The following PARP1 variants were observed in gnomAD, a reference collection of about 807,000 sequenced individuals.
The protein encoded by PARP1 is poly(ADP-ribose) polymerase 1.
In PARP1, 44 loss-of-function variants were observed where a neutral mutation model predicts 118.7. That is an observed-to-expected ratio of 0.37 (90% CI 0.29 to 0.48). The LOEUF is 0.48. Among genes scored for constraint, PARP1 ranks in the 20% least tolerant of loss-of-function variants. PARP1 has a pLI of 0.99. For missense variants in PARP1, 1,100 were observed against 1,272.4 expected (o/e 0.86, Z 2.06); for synonymous variants, 492 against 483.2 (o/e 1.02, Z -0.24).
chr1:226,371,654 A>C (rs1576392813), intron 14 of PARP1, among the ~76,000 whole-genome samples: 1 of 152,356 alleles, frequency 6.6e-6, no homozygotes, highest in East Asian at 1.9e-4. Context: ...GTACAATAAA[A>C]GAACAGAGTG....
chr1:226,382,373 G>C (rs1046414097), intron 8 of PARP1, among the ~76,000 whole-genome samples: 1 of 152,168 alleles, frequency 6.6e-6, no homozygotes, highest in Admixed American at 6.5e-5. Context: ...ACTGGTGGGC[G>C]CAGGGCAGCC....
Position 226,383,029 on chromosome 1 carries a change from G to A in PARP1, c.1159+7C>T, listed in dbSNP as rs764201319. 3.7e-6 allele frequency: 6 copies of A among 1,612,692 alleles called. No homozygotes were observed. The South Asian group carries it at 6.6e-5, about 18-fold the overall frequency. On this transcript the variant is annotated splice_region_variant and intron_variant, in intron 8 of 22. Transcript: ENST00000366794. ...CAGCTCTAAGACCGGGGTCCCAAATGCTGTACCTGCTGAAGCAGAGGAGTT... is the reference window on the plus strand; with the variant it reads ...CAGCTCTAAGACCGGGGTCCCAAATACTGTACCTGCTGAAGCAGAGGAGTT...
Position 226,402,157 on chromosome 1 carries a change from C to T in PARP1, c.286+57G>A, listed in dbSNP as rs116492860. 640 of 1,614,138 alleles carry T rather than the reference C, an allele frequency of 4.0e-4. 4 individuals are homozygous for T. The African/African-American group carries it at 7.4e-3, about 19-fold the overall frequency. On this transcript the variant is annotated intron_variant, in intron 2 of 22. Coordinates refer to ENST00000366794, the MANE Select transcript of PARP1 (RefSeq NM_001618.4). Reference sequence around the variant, plus strand: ...TTGCTTTGCTCTCTGAGACGAGGCCCTCCTGGGAGCTTCAGGGTGGGGGCT... The same window carrying T: ...TTGCTTTGCTCTCTGAGACGAGGCCTTCCTGGGAGCTTCAGGGTGGGGGCT...
rs2102732225 is a variant in PARP1 at position 226,374,249 on chromosome 1, T to C, written c.2047A>G (p.Lys683Glu). 6.2e-7 allele frequency: 1 copy of C among 1,614,192 alleles called. No individual in the cohort carries two copies. The highest frequency in any genetic ancestry group is 8.5e-7 in the Non-Finnish European group (1 of 1,180,026). Residue 683 changes from lysine (K) to glutamate (E), a missense_variant, in exon 14 of 23, where the codon AAG becomes GAG. Physicochemically the swap from Lys to Glu is moderately conservative, Grantham distance 56. Coordinates refer to ENST00000366794, the MANE Select transcript of PARP1 (RefSeq NM_001618.4). ...ACCTCATACTCCACCATGGCTTTCT[T>C]CATACTTTCCACATCAAAGATCATC... ...IKMIFDVESM[K>E]KAMVEYEIDL...
chr1:226,374,315 T>C lies in PARP1; in HGVS notation c.1981A>G (p.Thr661Ala). 18 of 1,614,198 alleles carry C rather than the reference T, an allele frequency of 1.1e-5. 1 individual carries two copies. The highest frequency in any genetic ancestry group is 1.5e-5 in the Non-Finnish European group (18 of 1,180,014). Reference sequence around the variant, plus strand: ...ACTGGCTTGGGGAGCTTGGACTTGGTGCCAGGATTTACTGTCAGCTTCTTC... The same window carrying C: ...ACTGGCTTGGGGAGCTTGGACTTGGCGCCAGGATTTACTGTCAGCTTCTTC... ...AVKKLTVNPG[T>A]KSKLPKPVQD... is the part of the protein sequence containing the mutation. Residue 661 changes from threonine (T) to alanine (A), a missense_variant, in exon 14 of 23, where the codon ACC (threonine) becomes GCC (alanine). Around this residue, in one of 2 missense-constraint regions of PARP1, gnomAD observed 948 missense variants for 1,031.8 expected, o/e 0.92. Coordinates refer to ENST00000366794, the MANE Select transcript of PARP1 (RefSeq NM_001618.4).
In PARP1 at chr1:226,365,019, G is replaced by A. The variant is rs1479824551; in HGVS notation, c.2641C>T (p.Pro881Ser). ...GILSQGLRIA[P>S]PEAPVTGYMF... is the part of the protein sequence containing the mutation. Reference sequence around the variant, plus strand: ...GCACATACCACGGGCGCTTCAGGCGGGGCTATCCGAAGACCCTGGGACAGG... The same window carrying A: ...GCACATACCACGGGCGCTTCAGGCGAGGCTATCCGAAGACCCTGGGACAGG... The change falls in exon 19 of 23, where the codon CCG becomes TCG. Residue 881 changes from proline (P) to serine (S), a missense_variant. This residue lies in a region of PARP1 where 152 missense variants were observed against 240.6 expected (regional missense o/e 0.63). Transcript: ENST00000366794. 1 of 1,614,042 alleles carries A rather than the reference G, an allele frequency of 6.2e-7. No homozygotes were observed. The highest frequency in any genetic ancestry group is 8.5e-7 in the Non-Finnish European group (1 of 1,180,046).
At chr1:226,406,726 C>T (rs1363922209) in intron 1 of PARP1, among the ~76,000 whole-genome samples, 1 of 152,200 alleles carries the variant, frequency 6.6e-6, no homozygotes, top group Admixed American at 6.5e-5. Context: ...CTGTGTGCCA[C>T]GTACTGACTT....
chr1:226,390,350 T>C (rs1240558992), intron 4 of PARP1, 60 bp downstream of exon 4: 5 of 1,466,646 alleles, frequency 3.4e-6, no homozygotes, highest in South Asian at 2.3e-5. Context: ...TGTAGGGCCT[T>C]TGGGCCTCCC....
At chr1:226,392,391 C>T in intron 2 of PARP1, 77 bp from the exon 3 acceptor site, 2 of 983,436 alleles carry the variant, frequency 2.0e-6, no homozygotes, top group Non-Finnish European at 3.3e-6. Flanking sequence ...TCCTCTTCTA[C>T]CTCCCCAGGA....
intron 14 of PARP1, among the ~76,000 whole-genome samples, chr1:226,372,461 T>G (rs1020302768): frequency 6.6e-6 from 1 of 152,084 alleles, no homozygotes; most frequent in African/African-American, 2.4e-5. Flanking sequence ...CATCTGAGGT[T>G]AGGAGTTCAA....
At chr1:226,390,186 G>A (rs1439881348) in intron 4 of PARP1, among the ~76,000 whole-genome samples, 1 of 152,036 alleles carries the variant, frequency 6.6e-6, no homozygotes, top group East Asian at 1.9e-4. Context: ...GGTCTCACAG[G>A]GGAGAGGGCT....
At chr1:226,361,585 G>T in intron 22 of PARP1, 44 bp from the exon 23 acceptor site, 1 of 1,366,096 alleles carries the variant, frequency 7.3e-7, no homozygotes, top group Non-Finnish European at 1.0e-6. Flanking sequence ...TACAACAGAG[G>T]GTATGTACAT....
chr1:226,403,819 G>A (rs183824471), intron 1 of PARP1, among the ~76,000 whole-genome samples: 82 of 152,326 alleles, frequency 5.4e-4, no homozygotes, highest in Non-Finnish European at 1.1e-3. Flanking sequence ...AAAGCTAAAT[G>A]TCACACAGAT....
rs756963125 is a variant in PARP1 at position 226,363,999 on chromosome 1, C to T, written c.2730G>A (p.Thr910=). The change falls in exon 20 of 23, where the codon ACG becomes ACA. Residue 910 remains threonine (T), a synonymous_variant. Transcript: ENST00000366794. The part of the protein sequence containing the change: ...MVSKSANYCH[T]SQGDPIGLIL... ...TTAAGCCTATTGGGTCTCCCTGAGA[C>T]GTATGGCAGTAGTTGGCACTCTTGG... 59 of 1,613,770 alleles carry T rather than the reference C, an allele frequency of 3.7e-5. No individual in the cohort carries two copies. Among genetic ancestry groups the T allele is most frequent in the South Asian group, 3.0e-4 (27 of 91,078 alleles).
At chr1:226,361,691 G>A (rs1026405196) in intron 22 of PARP1, 150 bp from the exon 23 acceptor site, 1 of 708,022 alleles carries the variant, frequency 1.4e-6, no homozygotes, top group African/African-American at 1.8e-5. Context: ...ATCTCCCCGG[G>A]GCTGGCAGGA....
chr1:226,381,000 T>C (rs1213142918), intron 9 of PARP1, 68 bp downstream of exon 9: 1 of 1,568,386 alleles, frequency 6.4e-7, no homozygotes, highest in Non-Finnish European at 8.8e-7. Context: ...TCTTCCTCAC[T>C]TACTCGTCAT....
rs967049839 is a variant in PARP1, at chr1:226,368,100, T to C, written c.2277+99A>G. 8.5e-6 allele frequency: 13 copies of C among 1,522,964 alleles called. No homozygotes were observed. In the Admixed American group the frequency reaches 1.7e-4, roughly 20 times the overall value. 94.3% of individuals were successfully genotyped at this position (1,522,964 alleles called of 1,614,324 possible). A position where few individuals can be genotyped will look rare whatever the true frequency, so the allele number is the denominator to read the frequency against. ...GGGCAAGAGGGTGGCCCTCCCAGCA[T>C]TGGTGCTGCCCTCAGGGATCATGAT... is the stretch of plus-strand genomic sequence containing the variant. On this transcript the variant is annotated intron_variant, in intron 16 of 22. Coordinates refer to ENST00000366794, the MANE Select transcript of PARP1 (RefSeq NM_001618.4).
At chr1:226,382,849 C>CT (rs1442496735) in intron 8 of PARP1, among the ~76,000 whole-genome samples, 187 bp downstream of exon 8, 1 of 152,232 alleles carries the variant, frequency 6.6e-6, no homozygotes, top group Non-Finnish European at 1.5e-5. Context: ...TCCCACCTTG[C>CT]TGTGGTCAGG....
In PARP1 at chr1:226,380,142, C is replaced by CCA; in HGVS notation, c.1322_1323insTG (p.Lys441AsnfsTer7). The CCA allele has an allele frequency of 6.2e-7, 1 of 1,614,190 alleles. No individual in the cohort carries two copies. The highest frequency in any genetic ancestry group is 8.5e-7 in the Non-Finnish European group (1 of 1,180,024). On this transcript the variant is annotated frameshift_variant, in exon 10 of 23. Transcript: ENST00000366794. LOFTEE classifies it high-confidence loss of function. ...TGGCTTCCTTTACTTCCTCCATCTT[C>CCA]TTATTCATCTTTTCCACCTCCTCTG...
Sources: allele counts gnomAD v4.1 joint callset (sites outside exome capture counted in the v4.1 genomes callset), GRCh38; gene constraint gnomAD v4.1.1; regional missense constraint gnomAD v4.1.1; transcripts MANE v1.5; gene names NCBI Gene and HGNC (gene_info 2026-07-23, HGNC 2026-07-21).